Variants in TTC6 observed in about 807,000 individuals in gnomAD.
TTC6 encodes the protein tetratricopeptide repeat protein 6.
A neutral mutation model predicts 210.4 loss-of-function variants in TTC6; 172 were observed. The observed-to-expected ratio is 0.82, with a 90% CI of 0.72 to 0.93. The LOEUF (loss-of-function observed/expected upper bound fraction) is 0.93, where lower values mean the gene tolerates loss of function less well. TTC6 is among the 40% of genes least tolerant of loss of function. The pLI, the probability that TTC6 is intolerant of heterozygous loss-of-function variation, is 0.00. For missense variants in TTC6, 2,414 were observed against 2,318.1 expected, an observed-to-expected ratio of 1.04 and a Z score of -0.85; for synonymous variants, 804 against 819.6, an observed-to-expected ratio of 0.98 and a Z score of 0.32.
chr14:37,651,418 TATATA>T (rs2095712046), intron 1 of TTC6, among the ~76,000 whole-genome samples: 6 of 23,724 alleles, frequency 2.5e-4, no homozygotes, highest in South Asian at 2.2e-3. Context: ...TATATATATA[TATATA>T]TATTTTTTTT....
At chr14:37,819,158 C>T (rs901010497) in intron 26 of TTC6, among the ~76,000 whole-genome samples, 1 of 152,118 alleles carries the variant, frequency 6.6e-6, no homozygotes, top group Non-Finnish European at 1.5e-5. Context: ...CAGCTGTAAA[C>T]CTCTGAAAAC....
intron 26 of TTC6, among the ~76,000 whole-genome samples, chr14:37,823,105 C>T (rs1363678771): frequency 6.6e-6 from 1 of 152,048 alleles, no homozygotes; most frequent in African/African-American, 2.4e-5. Context: ...TGCCCATGAA[C>T]AAACATTTGA....
intron 3 of TTC6, among the ~76,000 whole-genome samples, chr14:37,686,807 C>G (rs1030133504): frequency 6.6e-6 from 1 of 152,202 alleles, no homozygotes; most frequent in Non-Finnish European, 1.5e-5. Context: ...TTATCTCCCA[C>G]TGGGTCTCTC....
At chr14:37,596,307 A>G (rs1239288756) in intron 1 of TTC6, among the ~76,000 whole-genome samples, 1 of 152,230 alleles carries the variant, frequency 6.6e-6, no homozygotes, top group East Asian at 1.9e-4. Flanking sequence ...TGGGAGAGCA[A>G]GGGCCTGGGC....
intron 2 of TTC6, among the ~76,000 whole-genome samples, chr14:37,609,338 C>T (rs191915909): frequency 1.2e-3 from 185 of 152,234 alleles, no homozygotes; most frequent in Middle Eastern, 0.01. Flanking sequence ...ATTGCTTGAG[C>T]CTGGGAAGTC....
intron 2 of TTC6, among the ~76,000 whole-genome samples, chr14:37,613,487 A>G (rs1018815573): frequency 3.9e-5 from 6 of 152,070 alleles, no homozygotes; most frequent in Non-Finnish European, 5.9e-5. Flanking sequence ...GTTTAGTATT[A>G]TGGTTATGTA....
intron 1 of TTC6, among the ~76,000 whole-genome samples, chr14:37,656,245 G>C (rs1462603365): frequency 9.9e-5 from 15 of 152,138 alleles, no homozygotes; most frequent in Admixed American, 8.5e-4. Flanking sequence ...ATTCCAAAAG[G>C]CATCCCAAAA....
chr14:37,600,540 C>G (rs939702625), intron 1 of TTC6, among the ~76,000 whole-genome samples: 6 of 152,154 alleles, frequency 3.9e-5, no homozygotes, highest in Non-Finnish European at 8.8e-5. Context: ...TCAGTTGTCC[C>G]TGGTGGTTTA....
chr14:37,825,368 G>A (rs932740704), intron 27 of TTC6, among the ~76,000 whole-genome samples: 1 of 152,100 alleles, frequency 6.6e-6, no homozygotes, highest in African/African-American at 2.4e-5. Flanking sequence ...ACAGGGTCTT[G>A]TTCCCTTAAC....
intron 1 of TTC6, among the ~76,000 whole-genome samples, chr14:37,632,574 C>T (rs1488860489): frequency 6.6e-6 from 1 of 152,172 alleles, no homozygotes; most frequent in South Asian, 2.1e-4. Flanking sequence ...GGAGGTATTG[C>T]TCTGTCAGGA....
chr14:37,778,070 G>A (rs554351499), intron 14 of TTC6, among the ~76,000 whole-genome samples: 2 of 152,294 alleles, frequency 1.3e-5, no homozygotes, highest in East Asian at 3.9e-4. Context: ...TTGGGTGGTG[G>A]CAGCAGGATC....
At chr14:37,807,487 C>T (rs566595315) in intron 23 of TTC6, 27 bp downstream of exon 25, 55 of 1,440,006 alleles carry the variant, frequency 3.8e-5, no homozygotes, top group African/African-American at 3.5e-4. Flanking sequence ...CCTGGTTTAC[C>T]GAAATTTTAG....
chr14:37,830,921 G>A (rs571884496), intron 29 of TTC6, among the ~76,000 whole-genome samples: 40 of 151,998 alleles, frequency 2.6e-4, no homozygotes, highest in African/African-American at 7.7e-4. Flanking sequence ...AACATTTATC[G>A]TTTCTTTATG....
intron 7 of TTC6, among the ~76,000 whole-genome samples, chr14:37,726,806 C>A (rs193290068): frequency 2.0e-4 from 30 of 152,142 alleles, no homozygotes; most frequent in Middle Eastern, 3.4e-3. Context: ...TGTCAATTGG[C>A]AACATATTCC....
At chr14:37,718,182 T>G (rs566367190) in intron 6 of TTC6, among the ~76,000 whole-genome samples, 1 of 152,310 alleles carries the variant, frequency 6.6e-6, no homozygotes, top group South Asian at 2.1e-4. Context: ...AAATGTTAGG[T>G]CATAGAATTA....
intron 14 of TTC6, among the ~76,000 whole-genome samples, chr14:37,786,409 G>T (rs767134846): frequency 6.6e-5 from 10 of 152,204 alleles, no homozygotes; most frequent in Non-Finnish European, 1.5e-4. Flanking sequence ...CTCCGTGGGC[G>T]TGGGACCCTC....
intron 1 of TTC6, among the ~76,000 whole-genome samples, chr14:37,647,973 A>G (rs567239813): frequency 2.0e-4 from 31 of 152,108 alleles, no homozygotes; most frequent in Admixed American, 1.5e-3. Context: ...GATGAAGACT[A>G]CAAGGTTTAA....
At chr14:37,755,560 G>A (rs2095965015) in intron 14 of TTC6, among the ~76,000 whole-genome samples, 1 of 152,166 alleles carries the variant, frequency 6.6e-6, no homozygotes, top group South Asian at 2.1e-4. Flanking sequence ...TTTGTATAAG[G>A]TGTAAGGAAG....
At chr14:37,710,120 T>C (rs1189512041) in intron 5 of TTC6, among the ~76,000 whole-genome samples, 2 of 152,178 alleles carry the variant, frequency 1.3e-5, no homozygotes, top group African/African-American at 2.4e-5. Context: ...ACATCTTCTA[T>C]GGGTTACCTA....
Sources: allele counts gnomAD v4.1 joint callset (sites outside exome capture counted in the v4.1 genomes callset), GRCh38; gene constraint gnomAD v4.1.1; transcripts MANE v1.5; gene names NCBI Gene and HGNC (gene_info 2026-07-23, HGNC 2026-07-21).